The following RBFOX1 variants were observed in gnomAD, a reference collection of about 807,000 sequenced individuals.
The protein encoded by RBFOX1 is RNA binding protein fox-1 homolog 1.
RBFOX1 carries 8 observed loss-of-function variants against 57.7 expected under a neutral mutation model. The ratio of observed to expected loss-of-function variants is 0.14; its 90% CI spans 0.08 to 0.25. RBFOX1 has a LOEUF of 0.25. Among genes scored for constraint, RBFOX1 ranks in the 10% least tolerant of loss-of-function variants. The pLI, the probability that RBFOX1 is intolerant of heterozygous loss-of-function variation, is 1.00. For synonymous variants in RBFOX1, 326 were observed against 222.4 expected (o/e 1.47, Z -4.15); for missense variants, 611 against 548.5 (o/e 1.11, Z -1.14).
At chr16:7,339,689 T>G (rs1603624611) in intron 4 of RBFOX1, among the ~76,000 whole-genome samples, 1 of 152,256 alleles carries the variant, frequency 6.6e-6, no homozygotes, top group Middle Eastern at 3.4e-3. Context: ...ATCCGCCCAC[T>G]TCAGCCTCCC....
chr16:7,160,074 C>G (rs17670153), intron 4 of RBFOX1, among the ~76,000 whole-genome samples: 1 of 151,966 alleles, frequency 6.6e-6, no homozygotes, highest in Admixed American at 6.6e-5. Flanking sequence ...ATTCAAGGGA[C>G]TCATAACAGT....
chr16:6,268,527 C>G (rs151090141), intron 1 of RBFOX1, among the ~76,000 whole-genome samples: 3,733 of 152,266 alleles, frequency 0.025, 95 homozygotes, highest in Non-Finnish European at 0.033. Context: ...TGAGACCTTC[C>G]TGAATCTGCA....
At chr16:7,037,668 C>T (rs894394518) in intron 3 of RBFOX1, among the ~76,000 whole-genome samples, 2 of 152,194 alleles carry the variant, frequency 1.3e-5, no homozygotes, top group African/African-American at 2.4e-5. Context: ...CAAATATTAA[C>T]TCATTCAAAT....
At chr16:6,502,305 C>T (rs75721674) in intron 2 of RBFOX1, among the ~76,000 whole-genome samples, 105 of 152,154 alleles carry the variant, frequency 6.9e-4, no homozygotes, top group African/African-American at 2.4e-3. Flanking sequence ...ACCTGGCATG[C>T]CACCTTTAAG....
chr16:7,648,228 T>A (rs1231610786), intron 11 of RBFOX1, among the ~76,000 whole-genome samples: 1 of 152,150 alleles, frequency 6.6e-6, no homozygotes, highest in Non-Finnish European at 1.5e-5. Flanking sequence ...TTTATTTATT[T>A]ATTTTTTTTG....
chr16:6,797,838 A>G (rs1175938346), intron 3 of RBFOX1, among the ~76,000 whole-genome samples: 1 of 152,142 alleles, frequency 6.6e-6, no homozygotes, highest in Admixed American at 6.5e-5. Flanking sequence ...GAGCTCTAGA[A>G]CCACTCGACT....
At chr16:5,656,759 A>G (rs2049444005) in intron 3 of RBFOX1, among the ~76,000 whole-genome samples, 1 of 152,190 alleles carries the variant, frequency 6.6e-6, no homozygotes. Flanking sequence ...ATAGTATTCC[A>G]TGGTGTATAT....
intron 7 of RBFOX1, among the ~76,000 whole-genome samples, chr16:7,592,262 A>C (rs2094481070): frequency 6.6e-6 from 1 of 152,252 alleles, no homozygotes; most frequent in South Asian, 2.1e-4. Flanking sequence ...TTGCTTAAAA[A>C]GTGAGAACTT....
chr16:5,604,181 C>G (rs576745261), downstream of RBFOX1, among the ~76,000 whole-genome samples: 7 of 152,296 alleles, frequency 4.6e-5, no homozygotes, highest in South Asian at 8.3e-4. Context: ...CTGTATTTTT[C>G]TGTAATAAGA....
At chr16:5,374,021 G>A (rs568802520) in intron 1 of RBFOX1, among the ~76,000 whole-genome samples, 468 of 152,332 alleles carry the variant, frequency 3.1e-3, no homozygotes, top group African/African-American at 6.0e-3. Flanking sequence ...GGGTTCAAGC[G>A]ATTCTCCTGC....
intron 3 of RBFOX1, among the ~76,000 whole-genome samples, chr16:5,659,848 T>A (rs1233437881): frequency 6.6e-6 from 1 of 152,226 alleles, no homozygotes; most frequent in Non-Finnish European, 1.5e-5. Flanking sequence ...TTGCAGTTGT[T>A]GCAGGTATCC....
intron 2 of RBFOX1, among the ~76,000 whole-genome samples, chr16:5,523,461 A>T (rs2044108206): frequency 6.6e-6 from 1 of 151,188 alleles, no homozygotes; most frequent in Non-Finnish European, 1.5e-5. Flanking sequence ...CAAAAAATAA[A>T]AAAAATTAGC....
At chr16:6,741,967 C>T (rs897899389) in intron 3 of RBFOX1, among the ~76,000 whole-genome samples, 1 of 152,050 alleles carries the variant, frequency 6.6e-6, no homozygotes, top group African/African-American at 2.4e-5. Context: ...TCTTGAAAAT[C>T]ATTAACAGAG....
chr16:5,871,648 A>G (rs2057474920), intron 4 of RBFOX1, among the ~76,000 whole-genome samples: 1 of 152,212 alleles, frequency 6.6e-6, no homozygotes, highest in South Asian at 2.1e-4. Context: ...GCTGTATATT[A>G]ACACAAAGAT....
At chr16:6,182,401 T>G (rs2097070673) in intron 1 of RBFOX1, among the ~76,000 whole-genome samples, 1 of 152,206 alleles carries the variant, frequency 6.6e-6, no homozygotes, top group African/African-American at 2.4e-5. Context: ...TTCCACCAGT[T>G]TAAGATTAAT....
chr16:6,357,818 G>A (rs2087649502), intron 2 of RBFOX1, among the ~76,000 whole-genome samples: 1 of 152,046 alleles, frequency 6.6e-6, no homozygotes, highest in South Asian at 2.1e-4. Context: ...GGGCGTGGTG[G>A]TGGGTGCCTG....
chr16:7,585,820 C>T (rs990270765), intron 6 of RBFOX1, among the ~76,000 whole-genome samples: 5 of 152,254 alleles, frequency 3.3e-5, no homozygotes, highest in Admixed American at 6.5e-5. Context: ...CATTCACTCT[C>T]TGTGTCTCTG....
At chr16:7,245,842 C>G (rs1375311886) in intron 4 of RBFOX1, among the ~76,000 whole-genome samples, 1 of 152,164 alleles carries the variant, frequency 6.6e-6, no homozygotes, top group Non-Finnish European at 1.5e-5. Context: ...TCACAAATTA[C>G]CAATTACTTT....
chr16:7,002,196 T>C (rs2092879439), intron 3 of RBFOX1, among the ~76,000 whole-genome samples: 1 of 152,144 alleles, frequency 6.6e-6, no homozygotes, highest in Admixed American at 6.5e-5. Context: ...TCTAAGAAAT[T>C]AGGAAAGGGA....
Sources: allele counts gnomAD v4.1 joint callset (sites outside exome capture counted in the v4.1 genomes callset), GRCh38; gene constraint gnomAD v4.1.1; transcripts MANE v1.5; gene names NCBI Gene and HGNC (gene_info 2026-07-23, HGNC 2026-07-21).